Variants in GPBP1L1 observed in about 807,000 individuals in gnomAD.
The protein encoded by GPBP1L1 is vasculin-like protein 1.
A neutral mutation model predicts 52.5 loss-of-function variants in GPBP1L1; 23 were observed. The ratio of observed to expected loss-of-function variants is 0.44; its 90% confidence interval spans 0.32 to 0.62. GPBP1L1 has a LOEUF of 0.62. GPBP1L1 is among the 20% of genes least tolerant of loss of function. The probability of loss-of-function intolerance (pLI) is 0.06; values close to 1 mark genes in which losing one functional copy is unlikely to be tolerated. For missense variants in GPBP1L1, 596 were observed against 579.3 expected (o/e 1.03, Z -0.30); for synonymous variants, 243 against 203.1 (o/e 1.20, Z -1.67).
intron 6 of GPBP1L1, among the ~76,000 whole-genome samples, chr1:45,650,275 A>G (rs961618128): frequency 2.6e-5 from 4 of 152,170 alleles, no homozygotes; most frequent in African/African-American, 9.7e-5. Context: ...AGAGTAGTGT[A>G]TCATTCATCA....
chr1:45,647,623 A>G (rs1279921944), intron 6 of GPBP1L1, among the ~76,000 whole-genome samples: 3 of 152,166 alleles, frequency 2.0e-5, no homozygotes, highest in Admixed American at 2.0e-4. Flanking sequence ...GCAGGCTCCC[A>G]CAGCACCCAG....
chr1:45,656,808 G>A (rs1168852008), intron 4 of GPBP1L1, among the ~76,000 whole-genome samples: 4 of 151,710 alleles, frequency 2.6e-5, no homozygotes, highest in Non-Finnish European at 5.9e-5. Flanking sequence ...TGAGATGACA[G>A]GTATTCACCA....
chr1:45,659,465 T>C (rs1029204187), intron 3 of GPBP1L1, among the ~76,000 whole-genome samples: 3 of 152,154 alleles, frequency 2.0e-5, no homozygotes, highest in African/African-American at 7.2e-5. Flanking sequence ...CGCAAAGTGT[T>C]GGGATTACAG....
At chr1:45,644,002 T>C (rs531560475) in intron 6 of GPBP1L1, among the ~76,000 whole-genome samples, 2 of 152,204 alleles carry the variant, frequency 1.3e-5, no homozygotes, top group Admixed American at 1.3e-4. Context: ...CCTGTGAACA[T>C]TATACAAACA....
intron 2 of GPBP1L1, among the ~76,000 whole-genome samples, chr1:45,673,874 A>C (rs896732859): frequency 6.6e-6 from 1 of 152,152 alleles, no homozygotes; most frequent in Non-Finnish European, 1.5e-5. Context: ...AACAAACAAA[A>C]AAAATTGTTT....
chr1:45,630,707 CAA>C, intron 10 of GPBP1L1, 101 bp from the exon 11 acceptor site: 1 of 1,317,024 alleles, frequency 7.6e-7, no homozygotes, highest in Non-Finnish European at 1.0e-6. Flanking sequence ...AAGTGTTTTC[CAA>C]AAGACAGCCT....
At chr1:45,647,596 T>C (rs923674054) in intron 6 of GPBP1L1, among the ~76,000 whole-genome samples, 10 of 152,196 alleles carry the variant, frequency 6.6e-5, no homozygotes, top group African/African-American at 2.4e-4. Context: ...TTACTTCCTG[T>C]TCCTGTGTGT....
intron 2 of GPBP1L1, among the ~76,000 whole-genome samples, chr1:45,678,024 C>A (rs1449282500): frequency 6.6e-6 from 1 of 152,136 alleles, no homozygotes; most frequent in Non-Finnish European, 1.5e-5. Context: ...CATGGATGAA[C>A]CTTCATCCAT....
intron 2 of GPBP1L1, among the ~76,000 whole-genome samples, chr1:45,680,644 T>C (rs770607476): frequency 5.3e-5 from 8 of 152,150 alleles, no homozygotes; most frequent in Non-Finnish European, 8.8e-5. Flanking sequence ...TAAGTTAGAA[T>C]AGCAAATTCT....
At chr1:45,682,858 G>A (rs1350088622) in intron 2 of GPBP1L1, among the ~76,000 whole-genome samples, 1 of 152,114 alleles carries the variant, frequency 6.6e-6, no homozygotes, top group Non-Finnish European at 1.5e-5. Flanking sequence ...TTTGATTATA[G>A]GCTGTTTGAG....
chr1:45,659,945 TG>T (rs1180723684), intron 3 of GPBP1L1, among the ~76,000 whole-genome samples: 1 of 151,874 alleles, frequency 6.6e-6, no homozygotes, highest in Non-Finnish European at 1.5e-5. Context: ...TGCCTCAAGA[TG>T]GGGGAAAAAA....
intron 2 of GPBP1L1, among the ~76,000 whole-genome samples, chr1:45,683,975 C>A (rs745674538): frequency 8.6e-4 from 130 of 150,690 alleles, no homozygotes; most frequent in African/African-American, 2.3e-3. Context: ...AACAACAAGC[C>A]GGGCGGGGGC....
At chr1:45,686,156 A>G (rs1381576078) in intron 1 of GPBP1L1, among the ~76,000 whole-genome samples, 1 of 152,228 alleles carries the variant, frequency 6.6e-6, no homozygotes, top group Admixed American at 6.5e-5. Context: ...CCGAAGTTAA[A>G]GTAGGAGCGC....
At chr1:45,684,258 C>CAAAAAAAAAAAAAAAAAAAAAAA (rs60624036) in intron 2 of GPBP1L1, among the ~76,000 whole-genome samples, 1 of 88,472 alleles carries the variant, frequency 1.1e-5, no homozygotes, top group Non-Finnish European at 2.1e-5. Flanking sequence ...AACTCCGTCT[C>CAAAAAAAAAAAAAAAAAAAAAAA]AAAAAAAAAA....
At chr1:45,655,733 GT>G (rs1321707884) in intron 4 of GPBP1L1, 1 of 156,460 alleles carries the variant, frequency 6.4e-6, no homozygotes, top group South Asian at 1.9e-4. Flanking sequence ...GAAGGCAACG[GT>G]TGAAATATCA....
At chr1:45,654,885 G>A (rs1011902201) in intron 5 of GPBP1L1, 56 bp from the exon 6 acceptor site, 83 of 1,538,514 alleles carry the variant, frequency 5.4e-5, no homozygotes, top group Middle Eastern at 1.7e-4. Flanking sequence ...TTTGGTTTAC[G>A]GTATTGGCCA....
intron 10 of GPBP1L1, chr1:45,630,879 C>T: frequency 2.6e-6 from 1 of 391,686 alleles, no homozygotes; most frequent in East Asian, 5.4e-5. Context: ...AGACTTACCA[C>T]AAAAGCTGGA....
At chr1:45,629,496 C>T in intron 12 of GPBP1L1, 80 bp downstream of exon 12, 1 of 225,168 alleles carries the variant, frequency 4.4e-6, no homozygotes, top group South Asian at 5.6e-5. Flanking sequence ...ATTAAACTTG[C>T]TCCCTCAGGG....
chr1:45,643,693 A>C (rs972849232), intron 6 of GPBP1L1, among the ~76,000 whole-genome samples: 1 of 107,396 alleles, frequency 9.3e-6, no homozygotes, highest in African/African-American at 3.9e-5. Context: ...TTTTTGTGAC[A>C]GAGTGTCACT....
Sources: gnomAD v4.1 joint callset for allele counts (sites outside exome capture counted in the v4.1 genomes callset) on GRCh38, gnomAD v4.1.1 for gene constraint, MANE v1.5 for transcripts, NCBI Gene and HGNC (gene_info 2026-07-23, HGNC 2026-07-21) for gene names.